CTNNA2: variants seen among roughly 807,000 people sequenced by gnomAD.
The protein encoded by CTNNA2 is catenin alpha 2.
Under a neutral mutation model 101.0 loss-of-function variants are expected in CTNNA2, and 42 were observed. That is an observed-to-expected ratio of 0.42 (90% CI 0.32 to 0.54). The LOEUF (loss-of-function observed/expected upper bound fraction) is 0.54. Among genes scored for constraint, CTNNA2 ranks in the 20% least tolerant of loss-of-function variants. CTNNA2 has a pLI of 0.14. For missense variants in CTNNA2, 871 were observed against 1,223.1 expected (o/e 0.71, Z 4.29); for synonymous variants, 450 against 456.4 (o/e 0.99, Z 0.18).
intron 3 of CTNNA2, among the ~76,000 whole-genome samples, chr2:79,749,758 T>G (rs1268172334): frequency 6.6e-6 from 1 of 152,204 alleles, no homozygotes; most frequent in East Asian, 1.9e-4. Context: ...TTTCTCCATT[T>G]TACAAATACA....
At chr2:79,589,537 T>C (rs1025226246) in intron 1 of CTNNA2, among the ~76,000 whole-genome samples, 2 of 152,134 alleles carry the variant, frequency 1.3e-5, no homozygotes, top group African/African-American at 4.8e-5. Flanking sequence ...TGAGAAGATC[T>C]GTTTAAGACT....
At chr2:79,841,795 G>A (rs116524436) in intron 3 of CTNNA2, among the ~76,000 whole-genome samples, 1,885 of 152,312 alleles carry the variant, frequency 0.012, 36 homozygotes, top group African/African-American at 0.043. Context: ...AAAGCCAGAT[G>A]TTTGTGCTTG....
At chr2:80,533,622 A>G (rs1022651787) in intron 9 of CTNNA2, among the ~76,000 whole-genome samples, 2 of 152,186 alleles carry the variant, frequency 1.3e-5, no homozygotes, top group African/African-American at 2.4e-5. Flanking sequence ...GCCCTCCTGC[A>G]TTGCCAGAGA....
intron 2 of CTNNA2, among the ~76,000 whole-genome samples, chr2:79,243,393 G>A (rs572028107): frequency 1.3e-5 from 2 of 152,152 alleles, no homozygotes; most frequent in African/African-American, 4.8e-5. Flanking sequence ...CTATAGATTT[G>A]TTGTTGCAGT....
chr2:79,519,684 A>T (rs1253747440), intron 1 of CTNNA2, among the ~76,000 whole-genome samples: 2 of 152,182 alleles, frequency 1.3e-5, no homozygotes, highest in Non-Finnish European at 2.9e-5. Flanking sequence ...GGAAAAAAAA[A>T]CTTCACCTTC....
intron 1 of CTNNA2, among the ~76,000 whole-genome samples, chr2:79,540,675 G>A (rs889633557): frequency 8.5e-5 from 13 of 152,196 alleles, no homozygotes; most frequent in African/African-American, 3.1e-4. Flanking sequence ...TATTTATAAT[G>A]AGCACATGAA....
At chr2:80,566,424 T>A (rs1459893980) in intron 12 of CTNNA2, among the ~76,000 whole-genome samples, 1 of 152,206 alleles carries the variant, frequency 6.6e-6, no homozygotes, top group Admixed American at 6.5e-5. Context: ...CAGAGGCATC[T>A]GTCACACATA....
At chr2:80,300,281 G>GGGGTGTGTGTGTGT (rs1353283390) in intron 7 of CTNNA2, among the ~76,000 whole-genome samples, 3 of 93,108 alleles carry the variant, frequency 3.2e-5, no homozygotes, top group Admixed American at 1.1e-4. Context: ...GGGGTGTTGG[G>GGGGTGTGTGTGTGT]GTGTGTGTGT....
At chr2:79,679,883 C>T (rs937730014) in intron 2 of CTNNA2, among the ~76,000 whole-genome samples, 68 of 152,076 alleles carry the variant, frequency 4.5e-4, no homozygotes, top group Non-Finnish European at 2.9e-5. Context: ...CAGAGACAGT[C>T]TCCATGGCAT....
intron 7 of CTNNA2, among the ~76,000 whole-genome samples, chr2:80,094,418 ATAGTT>A (rs750275299): frequency 2.0e-5 from 3 of 152,124 alleles, no homozygotes; most frequent in Non-Finnish European, 2.9e-5. Context: ...GCCTTATAGT[ATAGTT>A]TAAAGTCAGG....
intron 4 of CTNNA2, among the ~76,000 whole-genome samples, chr2:79,416,256 T>TC (rs1491047838): frequency 4.2e-5 from 5 of 120,420 alleles, no homozygotes; most frequent in African/African-American, 6.8e-5. Flanking sequence ...TCTTTCCTTT[T>TC]CTTTTTTTTT....
intron 2 of CTNNA2, among the ~76,000 whole-genome samples, chr2:79,742,905 A>G (rs1021903426): frequency 1.3e-5 from 2 of 152,208 alleles, no homozygotes; most frequent in African/African-American, 2.4e-5. Context: ...TATTGGTTCT[A>G]TCTATACACA....
intron 2 of CTNNA2, among the ~76,000 whole-genome samples, chr2:79,225,969 C>T (rs931953277): frequency 1.3e-5 from 2 of 152,004 alleles, no homozygotes; most frequent in Non-Finnish European, 2.9e-5. Context: ...AAATCTTATA[C>T]CACAAAATTT....
At chr2:79,890,165 G>A (rs1259136025) in intron 6 of CTNNA2, among the ~76,000 whole-genome samples, 1 of 152,146 alleles carries the variant, frequency 6.6e-6, no homozygotes, top group African/African-American at 2.4e-5. Context: ...TCTGAAGATT[G>A]CTCAGCGAGC....
intron 4 of CTNNA2, among the ~76,000 whole-genome samples, chr2:79,388,606 A>G (rs1264839898): frequency 6.6e-6 from 1 of 152,136 alleles, no homozygotes. Context: ...TCCACAGCAT[A>G]CATTTGAGAT....
At chr2:80,636,227 G>C (rs143547209) in intron 18 of CTNNA2, among the ~76,000 whole-genome samples, 1 of 152,198 alleles carries the variant, frequency 6.6e-6, no homozygotes, top group Admixed American at 6.5e-5. Flanking sequence ...ATGTAGATTC[G>C]AAACTGGGAA....
At chr2:79,992,110 T>C (rs1049514474) in intron 7 of CTNNA2, among the ~76,000 whole-genome samples, 1 of 152,204 alleles carries the variant, frequency 6.6e-6, no homozygotes, top group Non-Finnish European at 1.5e-5. Context: ...CAGCAGACTT[T>C]CCTAAGATAA....
At chr2:79,221,749 A>G (rs1005203661) in intron 2 of CTNNA2, among the ~76,000 whole-genome samples, 1 of 152,138 alleles carries the variant, frequency 6.6e-6, no homozygotes, top group African/African-American at 2.4e-5. Context: ...AAAAGTTTGT[A>G]TCTATATGGC....
At chr2:80,142,172 T>A (rs752192943) in intron 7 of CTNNA2, among the ~76,000 whole-genome samples, 11 of 152,194 alleles carry the variant, frequency 7.2e-5, no homozygotes, top group Non-Finnish European at 1.5e-4. Flanking sequence ...GATGTCCCAC[T>A]TTTTTAGGTC....
Sources: allele counts gnomAD v4.1 joint callset (sites outside exome capture counted in the v4.1 genomes callset), GRCh38; gene constraint gnomAD v4.1.1; transcripts MANE v1.5; gene names NCBI Gene and HGNC (gene_info 2026-07-23, HGNC 2026-07-21).